Variants in EED observed in about 807,000 individuals in gnomAD.
EED encodes the protein polycomb protein EED.
In EED, 9 loss-of-function variants were observed where a neutral mutation model predicts 61.0. The observed-to-expected ratio is 0.15, with a 90% CI of 0.09 to 0.26. The LOEUF (loss-of-function observed/expected upper bound fraction) is 0.26, where lower values mean the gene tolerates loss of function less well. Among genes scored for constraint, EED ranks in the 10% least tolerant of loss-of-function variants. The probability of loss-of-function intolerance (pLI) is 1.00; values close to 1 mark genes in which losing one functional copy is unlikely to be tolerated. For synonymous variants in EED, 187 were observed against 174.4 expected (o/e 1.07, Z -0.57); for missense variants, 315 against 542.3 (o/e 0.58, Z 4.16).
intron 9 of EED, among the ~76,000 whole-genome samples, chr11:86,273,656 A>G (rs1275497800): frequency 1.3e-5 from 2 of 152,170 alleles, no homozygotes; most frequent in Non-Finnish European, 2.9e-5. Context: ...TTTCTGAAGG[A>G]TGTATTCACT....
At chr11:86,266,523 T>A (rs1945984159) in intron 8 of EED, among the ~76,000 whole-genome samples, 1 of 152,134 alleles carries the variant, frequency 6.6e-6, no homozygotes, top group Admixed American at 6.5e-5. Context: ...AAGTTTTAAA[T>A]CACTTAAGCT....
At chr11:86,271,253 T>G (rs1007329985) in intron 9 of EED, among the ~76,000 whole-genome samples, 1 of 152,250 alleles carries the variant, frequency 6.6e-6, no homozygotes. Context: ...ATTTTTGCTC[T>G]GTTAGATTTA....
intron 9 of EED, among the ~76,000 whole-genome samples, chr11:86,270,499 G>A (rs970797256): frequency 1.3e-5 from 2 of 151,788 alleles, no homozygotes; most frequent in East Asian, 3.8e-4. Context: ...CTTTCACAGA[G>A]CAAATGTTTG....
At chr11:86,277,821 C>T in intron 10 of EED, 97 bp from the exon 11 acceptor site, 2 of 1,252,778 alleles carry the variant, frequency 1.6e-6, no homozygotes, top group Non-Finnish European at 2.1e-6. Context: ...TGGAACTGAG[C>T]TTTTTCTGAA....
At chr11:86,254,618 C>CTTATT (rs1945623215) in intron 3 of EED, among the ~76,000 whole-genome samples, 1 of 148,634 alleles carries the variant, frequency 6.7e-6, no homozygotes, top group Non-Finnish European at 1.5e-5. Flanking sequence ...TGTGTCCGGA[C>CTTATT]TTATTTTATT....
intron 1 of EED, 111 bp downstream of exon 1, chr11:86,245,454 C>T (rs1172806714): frequency 1.0e-5 from 9 of 879,962 alleles, no homozygotes; most frequent in Non-Finnish European, 1.6e-5. Flanking sequence ...AGAGGTGTCA[C>T]TCAGGAAAAC....
Position 86,277,963 on chromosome 11 carries a change from T to TTAGAAG in EED, c.1178_1183dup (p.Val393_Glu394dup). 6.5e-7 allele frequency: 1 copy of TTAGAAG among 1,540,828 alleles called. No homozygotes were observed. The highest frequency in any genetic ancestry group is 8.7e-7 in the Non-Finnish European group (1 of 1,153,536). ...AGTTGGCAAACTTTATGTTTGGGAT[T>TTAGAAG]TAGAAGTAGAAGATCCTCATAAAGC... On this transcript the variant is annotated inframe_insertion, in exon 11 of 12. Transcript: ENST00000263360.
chr11:86,250,417 A>C lies in EED; in HGVS notation c.236A>C (p.Lys79Thr), dbSNP rs1467825675. 1 of 1,607,690 alleles carries C rather than the reference A, an allele frequency of 6.2e-7. No homozygotes were observed. The highest frequency in any genetic ancestry group is 8.5e-7 in the Non-Finnish European group (1 of 1,177,394). The change falls in exon 2 of 12, where the codon AAA becomes ACA. Residue 79 changes from lysine to threonine, a missense_variant. Physicochemically the swap from Lys to Thr is moderately conservative, Grantham distance 78 (BLOSUM62 -1). Around this residue, in one of 2 missense-constraint regions of EED, gnomAD observed 205 missense variants for 455.4 expected, o/e 0.45. Transcript: ENST00000263360. Reference protein sequence around the residue: ...GKGKWKSKKCKYSFKCVNSLK... With the variant: ...GKGKWKSKKCTYSFKCVNSLK... ...GGAAAATGGAAGTCAAAGAAATGCA[A>C]ATATTCTTTCAAATGTGTAAATAGT...
downstream of EED, among the ~76,000 whole-genome samples, chr11:86,283,071 G>A (rs1305767353): frequency 6.6e-6 from 1 of 152,036 alleles, no homozygotes; most frequent in African/African-American, 2.4e-5. Flanking sequence ...CAAACAACAG[G>A]CAGTTGGCTA....
intron 6 of EED, among the ~76,000 whole-genome samples, chr11:86,258,320 T>C (rs1945728638): frequency 6.6e-6 from 1 of 152,222 alleles, no homozygotes; most frequent in African/African-American, 2.4e-5. Context: ...ATAAAGGATT[T>C]CCTATAGAAT....
intron 8 of EED, among the ~76,000 whole-genome samples, chr11:86,266,705 T>C (rs1232310074): frequency 6.6e-6 from 1 of 152,142 alleles, no homozygotes; most frequent in African/African-American, 2.4e-5. Flanking sequence ...ATGGAGAGAA[T>C]TCAAATGCAG....
intron 7 of EED, 30 bp downstream of exon 7, chr11:86,264,293 T>G: frequency 6.5e-7 from 1 of 1,534,582 alleles, no homozygotes; most frequent in Non-Finnish European, 9.0e-7. Context: ...GCAATGACTT[T>G]CAGGTTTACA....
At chr11:86,249,438 A>C (rs1025147285) in intron 1 of EED, among the ~76,000 whole-genome samples, 1 of 151,482 alleles carries the variant, frequency 6.6e-6, no homozygotes, top group Non-Finnish European at 1.5e-5. Flanking sequence ...CTGCCCTAAG[A>C]TCCTAGATTA....
Position 86,256,407 on chromosome 11 carries a change from T to A in EED, c.447T>A (p.Thr149=). 1.9e-6 allele frequency: 3 copies of A among 1,599,074 alleles called. No homozygotes were observed. The highest frequency in any genetic ancestry group is 2.6e-6 in the Non-Finnish European group (3 of 1,171,350). Residue 149 remains threonine (T), a synonymous_variant, in exon 5 of 12, where the codon ACT becomes ACA. Coordinates refer to ENST00000263360, the MANE Select transcript of EED (RefSeq NM_003797.5). Reference sequence around the variant, plus strand: ...CTTAGGCTGATGAAAACTTTTACACTTGTGCATGGACCTATGATAGCAATA... The same window carrying A: ...CTTAGGCTGATGAAAACTTTTACACATGTGCATGGACCTATGATAGCAATA... ...VDADADENFY[T]CAWTYDSNTS...
chr11:86,258,553 TGG>T (rs1491563878), intron 6 of EED, among the ~76,000 whole-genome samples: 14 of 148,516 alleles, frequency 9.4e-5, no homozygotes, highest in Middle Eastern at 3.4e-3. Context: ...CTTTGTTTTT[TGG>T]TTTTTTTTTT....
At chr11:86,247,013 T>C (rs946032883) in intron 1 of EED, among the ~76,000 whole-genome samples, 2 of 152,224 alleles carry the variant, frequency 1.3e-5, no homozygotes, top group African/African-American at 4.8e-5. Flanking sequence ...AATTTTATGA[T>C]TACATAGAAT....
At chr11:86,270,307 C>A in intron 9 of EED, 1 of 382,916 alleles carries the variant, frequency 2.6e-6, no homozygotes, top group Non-Finnish European at 4.6e-6. Flanking sequence ...TTGGTGATGT[C>A]TTTTCATATC....
chr11:86,285,178 G>A, the EED span, among the ~76,000 whole-genome samples: 5 of 152,136 alleles, frequency 3.3e-5, no homozygotes, highest in Non-Finnish European at 7.4e-5. Context: ...GCAGCACTTT[G>A]GGAGGCCAAG....
chr11:86,284,848 A>G, the EED span, among the ~76,000 whole-genome samples: 4 of 152,224 alleles, frequency 2.6e-5, no homozygotes, highest in Non-Finnish European at 5.9e-5. Context: ...GCGGTGGTTC[A>G]TGCCTGTAGT....
Sources: gnomAD v4.1 joint callset for allele counts (sites outside exome capture counted in the v4.1 genomes callset) on GRCh38, gnomAD v4.1.1 for gene constraint, gnomAD v4.1.1 regional missense constraint, MANE v1.5 for transcripts, NCBI Gene and HGNC (gene_info 2026-07-23, HGNC 2026-07-21) for gene names.